The following FER1L5 variants were observed in gnomAD, a reference collection of about 807,000 sequenced individuals.
The protein encoded by FER1L5 is fer-1-like protein 5.
A neutral mutation model predicts 279.9 loss-of-function variants in FER1L5; 187 were observed. The observed-to-expected ratio is 0.67, with a 90% confidence interval of 0.59 to 0.75. FER1L5 has a LOEUF of 0.75. FER1L5 is among the 30% of genes least tolerant of loss of function. The pLI is 0.00. For synonymous variants in FER1L5, 921 were observed against 989.7 expected, an observed-to-expected ratio of 0.93 and a Z score of 1.30; for missense variants, 2,091 against 2,594.4, an observed-to-expected ratio of 0.81 and a Z score of 4.21.
At chr2:96,655,454 T>C (rs1385080939) in intron 9 of FER1L5, among the ~76,000 whole-genome samples, 1 of 152,198 alleles carries the variant, frequency 6.6e-6, no homozygotes, top group Non-Finnish European at 1.5e-5. Context: ...GACGTATGTG[T>C]ATTAAGAAAG....
chr2:96,690,000 G>C lies in FER1L5; in HGVS notation c.2640+242G>C, dbSNP rs1056215326. ...AAAGGGAGGCAATGTTTCTTCCTAG[G>C]CCTCCTTCAAAGGTGCTGCTTACCC... is the stretch of plus-strand genomic sequence containing the variant. On this transcript the variant is annotated intron_variant, in intron 26 of 52. Coordinates refer to ENST00000624922, the MANE Select transcript of FER1L5 (RefSeq NM_001293083.2). This position sits in a 1 kb window ranked among gnomAD's most constrained non-coding sequence, Gnocchi z 4.6. Among the ~76,000 whole-genome samples the C allele has an allele frequency of 6.6e-6, 1 of 152,148 alleles. No individual in the cohort carries two copies. The highest frequency in any genetic ancestry group is 1.5e-5 in the Non-Finnish European group (1 of 68,028).
chr2:96,658,622 T>C (rs2075696427), intron 9 of FER1L5, among the ~76,000 whole-genome samples: 1 of 152,208 alleles, frequency 6.6e-6, no homozygotes, highest in Non-Finnish European at 1.5e-5. Context: ...GTTCTGCCAC[T>C]GTACATGCCC....
Position 96,661,422 on chromosome 2 carries a change from T to C in FER1L5, c.876T>C (p.Gly292=), listed in dbSNP as rs1019902544. 3.9e-6 allele frequency: 6 copies of C among 1,551,344 alleles called. No homozygotes were observed. The African/African-American group carries it at 8.2e-5, about 21-fold the overall frequency. Residue 292 remains glycine (G), a synonymous_variant, in exon 11 of 53, where the codon GGT becomes GGC. Transcript: ENST00000624922. ...TGAAAGTCACCATCTATGCCCTCGG[T>C]GTGGGAGACCAGGCCCTGGTGAGCT... ...GYLKVTIYAL[G]VGDQALIDQK... is the part of the protein sequence containing the mutation.
chr2:96,659,442 T>TTTCC (rs2075829756), intron 9 of FER1L5, among the ~76,000 whole-genome samples: 1 of 29,102 alleles, frequency 3.4e-5, no homozygotes, highest in African/African-American at 2.0e-4. Context: ...TCTTTCTTTC[T>TTTCC]TTCTTTCTTT....
At chr2:96,697,330 T>C (rs1048861019) in intron 37 of FER1L5, among the ~76,000 whole-genome samples, 196 bp from the exon 38 acceptor site, 2 of 152,162 alleles carry the variant, frequency 1.3e-5, no homozygotes, top group African/African-American at 2.4e-5. Flanking sequence ...CTATGGGCAA[T>C]GAGGACATTG....
intron 19 of FER1L5, among the ~76,000 whole-genome samples, chr2:96,681,858 C>T (rs1371874437): frequency 6.6e-6 from 1 of 151,638 alleles, no homozygotes; most frequent in African/African-American, 2.4e-5. Flanking sequence ...GGCGTTATCT[C>T]GGCTCACTGC....
At chr2:96,647,748 G>GGT (rs2075199564) in intron 3 of FER1L5, 30 bp from the exon 4 acceptor site, 2 of 1,495,618 alleles carry the variant, frequency 1.3e-6, no homozygotes, top group Non-Finnish European at 1.8e-6. Context: ...CCCTGGCTCA[G>GGT]GATCTCACAT....
rs1558853437 is a variant in FER1L5, at chr2:96,659,352, T to TCCTTTTCC, written c.748-985_748-984insTTCCCCTT. 1.4e-4 allele frequency among the ~76,000 whole-genome samples: 10 copies of TCCTTTTCC among 73,226 alleles called. 1 individual carries two copies. Among genetic ancestry groups the TCCTTTTCC allele is most frequent in the African/African-American group, 4.1e-4 (8 of 19,310 alleles). 48.0% of individuals were successfully genotyped at this position (73,226 alleles called of 152,430 possible). ...TTCCTTCCTTCCTTCCTTCCTTCCT[T>TCCTTTTCC]CCTTCCTTCCTTCTTTCTTTCTTTC... is the stretch of plus-strand genomic sequence containing the variant. On this transcript the variant is annotated intron_variant, in intron 9 of 52. Transcript: ENST00000624922.
At chr2:96,649,311 T>C (rs1046128114) in intron 4 of FER1L5, among the ~76,000 whole-genome samples, 1 of 151,932 alleles carries the variant, frequency 6.6e-6, no homozygotes, top group African/African-American at 2.4e-5. Context: ...CTAGCATCTG[T>C]GTTCTGGGCT....
At chr2:96,690,943 G>A (rs531749773) in intron 27 of FER1L5, among the ~76,000 whole-genome samples, 1 of 152,374 alleles carries the variant, frequency 6.6e-6, no homozygotes, top group African/African-American at 2.4e-5. Context: ...TGCTGCTTAT[G>A]GGCTGTGTGG....
At chr2:96,671,959 C>T (rs921036497) in intron 18 of FER1L5, among the ~76,000 whole-genome samples, 1 of 152,080 alleles carries the variant, frequency 6.6e-6, no homozygotes, top group Non-Finnish European at 1.5e-5. Context: ...CAGAGACAAA[C>T]CTTCTAAGAA....
Position 96,701,998 on chromosome 2 carries a change from G to A in FER1L5, c.5114G>A (p.Gly1705Glu), listed in dbSNP as rs770801616. ...GTGGACATCTTCCCCAAGAAGCTGG[G>A]GCCTCCTGGCCCCCAAGTCAACATC... ...MWVDIFPKKL[G>E]PPGPQVNINP... The change falls in exon 46 of 53, where the codon GGG becomes GAG. Residue 1705 changes from glycine (G) to glutamate (E), a missense_variant. Coordinates refer to ENST00000624922, the MANE Select transcript of FER1L5 (RefSeq NM_001293083.2). The A allele has an allele frequency of 6.2e-7, 1 of 1,613,952 alleles. No individual in the cohort carries two copies. Among genetic ancestry groups the A allele is most frequent in the Non-Finnish European group, 8.5e-7 (1 of 1,179,872 alleles).
chr2:96,675,220 T>C (rs897795898), intron 19 of FER1L5, among the ~76,000 whole-genome samples: 3 of 152,204 alleles, frequency 2.0e-5, no homozygotes, highest in Admixed American at 1.3e-4. Flanking sequence ...TTTGCTATTA[T>C]AATAATTTTG....
At chr2:96,655,623 C>T (rs1405902768) in intron 9 of FER1L5, among the ~76,000 whole-genome samples, 1 of 152,162 alleles carries the variant, frequency 6.6e-6, no homozygotes, top group Non-Finnish European at 1.5e-5. Flanking sequence ...ATGTTGTGCT[C>T]TTGACAAAGG....
Position 96,647,781 on chromosome 2 carries a change from C to T in FER1L5, c.234C>T (p.Phe78=). The change falls in exon 4 of 53, where the codon TTC becomes TTT. Residue 78 remains phenylalanine (F), a synonymous_variant. Coordinates refer to ENST00000624922, the MANE Select transcript of FER1L5 (RefSeq NM_001293083.2). The part of the protein sequence containing the change: ...QDMGSQKKER[F]IGLATVLLKP... ...CATCTGCTCCTTGTCTCCCCAGATT[C>T]ATTGGCCTGGCCACAGTACTGCTCA... 6.4e-7 allele frequency: 1 copy of T among 1,551,278 alleles called. No individual in the cohort carries two copies. Among genetic ancestry groups the T allele is most frequent in the Admixed American group, 2.0e-5 (1 of 51,008 alleles).
At chr2:96,699,819 G>C in intron 43 of FER1L5, 99 bp downstream of exon 43, 1 of 1,574,816 alleles carries the variant, frequency 6.3e-7, no homozygotes, top group Non-Finnish European at 8.6e-7. Context: ...GGGAACCAGG[G>C]CCCAGACCTG....
chr2:96,698,672 G>T lies in FER1L5; in HGVS notation c.4358G>T (p.Gly1453Val). 1 of 1,583,788 alleles carries T rather than the reference G, an allele frequency of 6.3e-7. No individual in the cohort carries two copies. Among genetic ancestry groups the T allele is most frequent in the Admixed American group, 1.8e-5 (1 of 55,972 alleles). The change falls in exon 41 of 53, where the codon GGC (glycine) becomes GTC (valine). Residue 1453 changes from glycine to valine, a missense_variant and splice_region_variant. By Grantham distance (109) the Gly-to-Val change is moderately radical. Transcript: ENST00000624922. The surrounding 1 kb of genome is among the most constrained non-coding windows in gnomAD (Gnocchi z 5.5). ...CCCCCAACACCCTCCCCCCGCCAGGGCCTTTTCCGCATCTACCCCTTTCCT... is the reference window on the plus strand; with the variant it reads ...CCCCCAACACCCTCCCCCCGCCAGGTCCTTTTCCGCATCTACCCCTTTCCT... Reference protein sequence around the residue: ...LDSPVVGEFKGLFRIYPFPEN... With the variant: ...LDSPVVGEFKVLFRIYPFPEN...
intron 1 of FER1L5, 79 bp downstream of exon 1, chr2:96,643,000 G>T (rs966091353): frequency 1.9e-5 from 24 of 1,242,616 alleles, no homozygotes; most frequent in Non-Finnish European, 2.4e-5. Context: ...GAGGTGTATG[G>T]CACCCCACTA....
At chr2:96,657,993 AG>A (rs2106484652) in intron 9 of FER1L5, among the ~76,000 whole-genome samples, 1 of 152,070 alleles carries the variant, frequency 6.6e-6, no homozygotes, top group South Asian at 2.1e-4. Context: ...ATCATATGGT[AG>A]GTATATGTGG....
Sources: allele counts gnomAD v4.1 joint callset (sites outside exome capture counted in the v4.1 genomes callset), GRCh38; gene constraint gnomAD v4.1.1; non-coding constraint Gnocchi (gnomAD v3.1); transcripts MANE v1.5; gene names NCBI Gene and HGNC (gene_info 2026-07-23, HGNC 2026-07-21).